SLC35F2: variants seen among roughly 807,000 people sequenced by gnomAD.
The protein encoded by SLC35F2 is queuine/queuosine transporter SLC35F2.
SLC35F2 carries 25 observed loss-of-function variants against 38.1 expected under a neutral mutation model. That is an observed-to-expected ratio of 0.66 (90% CI 0.48 to 0.92). SLC35F2 has a LOEUF of 0.92. SLC35F2 is among the 40% of genes least tolerant of loss of function. SLC35F2 has a pLI of 0.00. For missense variants in SLC35F2, 409 were observed against 452.9 expected (o/e 0.90, Z 0.88); for synonymous variants, 173 against 181.7 (o/e 0.95, Z 0.38).
At chr11:107,832,490 C>A (rs1859860327) in intron 1 of SLC35F2, among the ~76,000 whole-genome samples, 1 of 152,106 alleles carries the variant, frequency 6.6e-6, no homozygotes, top group Admixed American at 6.6e-5. Flanking sequence ...TCTGTACATA[C>A]TAGTTTTCAA....
intron 1 of SLC35F2, among the ~76,000 whole-genome samples, chr11:107,847,387 T>C (rs1860116815): frequency 6.6e-6 from 1 of 152,192 alleles, no homozygotes. Context: ...AAAACTTGCC[T>C]ACACAAGCAA....
chr11:107,820,799 T>C (rs1192554630), intron 1 of SLC35F2, among the ~76,000 whole-genome samples: 4 of 151,982 alleles, frequency 2.6e-5, no homozygotes, highest in Admixed American at 2.6e-4. Flanking sequence ...CTACTAAAAA[T>C]ACAAAAATTA....
At chr11:107,809,150 A>G (rs1476090627) in intron 3 of SLC35F2, among the ~76,000 whole-genome samples, 1 of 151,994 alleles carries the variant, frequency 6.6e-6, no homozygotes, top group East Asian at 1.9e-4. Flanking sequence ...TTCTCATCTG[A>G]TATCTATCAC....
chr11:107,799,560 G>A (rs1859272419), intron 7 of SLC35F2, among the ~76,000 whole-genome samples: 1 of 151,832 alleles, frequency 6.6e-6, no homozygotes, highest in South Asian at 2.1e-4. Context: ...TGACTTCTCT[G>A]ATTCACTTTG....
intron 3 of SLC35F2, among the ~76,000 whole-genome samples, chr11:107,808,261 A>G (rs190505953): frequency 8.4e-4 from 128 of 152,268 alleles, no homozygotes; most frequent in Middle Eastern, 6.8e-3. Context: ...TCCAGAAAAC[A>G]CTAGCTATAC....
At chr11:107,804,197 C>G (rs1351806287) in intron 6 of SLC35F2, among the ~76,000 whole-genome samples, 1 of 152,014 alleles carries the variant, frequency 6.6e-6, no homozygotes, top group Non-Finnish European at 1.5e-5. Flanking sequence ...TTCCATGACA[C>G]CTATGTACTG....
At chr11:107,849,738 T>C (rs1257054118) in intron 1 of SLC35F2, among the ~76,000 whole-genome samples, 1 of 151,600 alleles carries the variant, frequency 6.6e-6, no homozygotes, top group Non-Finnish European at 1.5e-5. Flanking sequence ...AAGCACTGAC[T>C]TCCTTCAAGT....
At chr11:107,847,517 G>T (rs1478564855) in intron 1 of SLC35F2, among the ~76,000 whole-genome samples, 1 of 152,140 alleles carries the variant, frequency 6.6e-6, no homozygotes, top group Non-Finnish European at 1.5e-5. Flanking sequence ...TATCATGGGA[G>T]GAATTGCTAC....
chr11:107,792,752 T>C lies in SLC35F2; in HGVS notation c.988A>G (p.Ile330Val). 6.2e-7 allele frequency: 1 copy of C among 1,610,410 alleles called. No individual in the cohort carries two copies. The highest frequency in any genetic ancestry group is 8.5e-7 in the Non-Finnish European group (1 of 1,178,398). The change falls in exon 8 of 8, where the codon ATC becomes GTC. Residue 330 changes from isoleucine to valine, a missense_variant. By Grantham distance (29) the Ile-to-Val change is conservative. Coordinates refer to ENST00000525815, the MANE Select transcript of SLC35F2 (RefSeq NM_017515.5). ...LSFTVIMVGF[I>V]LYCSTPTRTA... ...CGAGTAGGGGTGGAGCAGTACAGGA[T>C]AAACCCCACCATGATGACAGTGAAG...
chr11:107,806,782 A>G lies in SLC35F2; in HGVS notation c.509T>C (p.Val170Ala). ...YRVIHFIAVA[V>A]CLLGVGTMVG... Reference sequence around the variant, plus strand: ...CATGGTTCCTACACCCAACAGACAGACAGCCACGGCGATGAAGTGGATCAC... The same window carrying G: ...CATGGTTCCTACACCCAACAGACAGGCAGCCACGGCGATGAAGTGGATCAC... The change falls in exon 4 of 8, where the codon GTC becomes GCC. Residue 170 changes from valine (V) to alanine (A), a missense_variant. Physicochemically the swap from Val to Ala is moderately conservative, Grantham distance 64. Coordinates refer to ENST00000525815, the MANE Select transcript of SLC35F2 (RefSeq NM_017515.5). The G allele has an allele frequency of 6.2e-7, 1 of 1,614,170 alleles. No homozygotes were observed. Among genetic ancestry groups the G allele is most frequent in the Non-Finnish European group, 8.5e-7 (1 of 1,179,974 alleles).
intron 1 of SLC35F2, among the ~76,000 whole-genome samples, chr11:107,842,257 CAAAA>C (rs541185009): frequency 0.034 from 1,285 of 37,584 alleles, 1 homozygote; most frequent in Non-Finnish European, 0.046. Context: ...CTCCGTCTCA[CAAAA>C]AAAAAAAAAA....
Position 107,815,836 on chromosome 11 carries a change from A to G in SLC35F2, c.240T>C (p.Tyr80=). ...NTPMLQSFIN[Y]CLLFLIYTVM... is the part of the protein sequence containing the mutation. ...CTGTATAAATTAGGAACAGCAAGCA[A>G]TAATTGATAAAGCTCTGAAGCATGG... The change falls in exon 2 of 8, where the codon TAT becomes TAC. Residue 80 remains tyrosine, a synonymous_variant. Transcript: ENST00000525815. 6.2e-7 allele frequency: 1 copy of G among 1,613,834 alleles called. No individual in the cohort carries two copies. Among genetic ancestry groups the G allele is most frequent in the Non-Finnish European group, 8.5e-7 (1 of 1,179,944 alleles).
intron 1 of SLC35F2, chr11:107,823,907 C>T (rs923186012): frequency 2.2e-5 from 17 of 771,682 alleles, no homozygotes; most frequent in Non-Finnish European, 2.6e-5. Context: ...CTAGCCTGGG[C>T]GACATAACAA....
At chr11:107,814,028 C>T (rs1859523071) in intron 2 of SLC35F2, among the ~76,000 whole-genome samples, 1 of 152,066 alleles carries the variant, frequency 6.6e-6, no homozygotes, top group Non-Finnish European at 1.5e-5. Flanking sequence ...CTCTAATTTC[C>T]TAAGTGTGCA....
intron 1 of SLC35F2, among the ~76,000 whole-genome samples, chr11:107,829,116 G>T (rs1436054000): frequency 1.4e-5 from 2 of 143,274 alleles, no homozygotes; most frequent in Non-Finnish European, 3.0e-5. Flanking sequence ...GGAGCAGGAG[G>T]TCAGTAGGAA....
chr11:107,837,620 G>A (rs1041225452), intron 1 of SLC35F2, among the ~76,000 whole-genome samples: 1 of 152,010 alleles, frequency 6.6e-6, no homozygotes, highest in African/African-American at 2.4e-5. Flanking sequence ...GTTGAACCTG[G>A]GAGGCAGAGG....
chr11:107,828,623 C>T (rs1859790454), intron 1 of SLC35F2, among the ~76,000 whole-genome samples: 1 of 151,912 alleles, frequency 6.6e-6, no homozygotes. Flanking sequence ...AGGAGTTTGT[C>T]CTTGTGGAAA....
At chr11:107,803,552 G>A (rs1859347785) in intron 6 of SLC35F2, 2 of 963,796 alleles carry the variant, frequency 2.1e-6, no homozygotes, top group African/African-American at 3.5e-5. Flanking sequence ...CTTTGCTTTT[G>A]TTTGGTTGGA....
At chr11:107,797,320 A>G (rs933091654) in intron 7 of SLC35F2, among the ~76,000 whole-genome samples, 1 of 149,124 alleles carries the variant, frequency 6.7e-6, no homozygotes, top group African/African-American at 2.5e-5. Flanking sequence ...GGGCTAGGGA[A>G]GGAGGGAAAA....
Sources: gnomAD v4.1 joint callset for allele counts (sites outside exome capture counted in the v4.1 genomes callset) on GRCh38, gnomAD v4.1.1 for gene constraint, MANE v1.5 for transcripts, NCBI Gene and HGNC (gene_info 2026-07-23, HGNC 2026-07-21) for gene names.